Variants in SH3D19 observed in about 807,000 individuals in gnomAD.
The protein encoded by SH3D19 is SH3 domain containing 19.
SH3D19 carries 58 observed loss-of-function variants against 112.1 expected under a neutral mutation model. That is an observed-to-expected ratio of 0.52 (90% confidence interval 0.42 to 0.64). The LOEUF is 0.64. Ranked by LOEUF, SH3D19 falls within the 30% of genes least tolerant of loss-of-function variation. The pLI, the probability that SH3D19 is intolerant of heterozygous loss-of-function variation, is 0.00. For missense variants in SH3D19, 1,090 were observed against 1,263.4 expected (o/e 0.86, Z 2.08); for synonymous variants, 391 against 448.5 (o/e 0.87, Z 1.62).
In SH3D19 at chr4:151,122,047, T is replaced by C. The variant is rs1231644177; in HGVS notation, c.*44A>G. On this transcript the variant is annotated 3_prime_UTR_variant, in exon 20 of 20. Transcript: ENST00000604030. ...ACATATCTGATAGTCAAGGTGATAG[T>C]TCAAGTGAGTTCTTGTGCCAAGGAA... The C allele has an allele frequency of 5.2e-6, 5 of 960,122 alleles. No individual in the cohort carries two copies. The allele number at this position is 960,122 out of a possible 1,614,324, so 59.5% of individuals were successfully genotyped here.
intron 3 of SH3D19, among the ~76,000 whole-genome samples, chr4:151,180,805 C>T (rs1760788668): frequency 6.6e-6 from 1 of 151,554 alleles, no homozygotes; most frequent in Non-Finnish European, 1.5e-5. Context: ...GCTCTGTCGC[C>T]CAGGCTGGAG....
chr4:151,170,886 C>T (rs1758921367), intron 7 of SH3D19: 1 of 152,236 alleles, frequency 6.6e-6, no homozygotes, highest in Admixed American at 6.5e-5. Flanking sequence ...CTTTGTACCA[C>T]CTTTTCATAC....
chr4:151,213,709 G>C (rs1420318468), intron 2 of SH3D19, among the ~76,000 whole-genome samples: 1 of 120,818 alleles, frequency 8.3e-6, no homozygotes, highest in Non-Finnish European at 1.8e-5. Context: ...TATTTGACAG[G>C]GTCTTGTTCT....
chr4:151,123,907 T>C (rs915386157), intron 19 of SH3D19, among the ~76,000 whole-genome samples: 50 of 152,304 alleles, frequency 3.3e-4, no homozygotes, highest in African/African-American at 1.2e-3. Flanking sequence ...CTTTTCTTTA[T>C]GGAAAATGAA....
At chr4:151,318,151 A>G (rs1730176690) in intron 1 of SH3D19, among the ~76,000 whole-genome samples, 1 of 150,502 alleles carries the variant, frequency 6.6e-6, no homozygotes, top group Non-Finnish European at 1.5e-5. Flanking sequence ...CAAAAAAAAA[A>G]TTAGCCGGGC....
At chr4:151,163,589 T>TC (rs577010039) in intron 8 of SH3D19, among the ~76,000 whole-genome samples, 102 of 151,436 alleles carry the variant, frequency 6.7e-4, no homozygotes, top group Non-Finnish European at 1.1e-3. Context: ...TTTCTTTCTT[T>TC]TTTTTTTTTG....
chr4:151,159,495 G>A, intron 8 of SH3D19, 143 bp from the exon 9 acceptor site: 1 of 589,892 alleles, frequency 1.7e-6, no homozygotes, highest in South Asian at 2.2e-5. Context: ...AGAGCTCCCA[G>A]CAAACTTCAG....
chr4:151,305,045 A>G (rs978392448), intron 1 of SH3D19, among the ~76,000 whole-genome samples: 2 of 152,254 alleles, frequency 1.3e-5, no homozygotes, highest in African/African-American at 4.8e-5. Flanking sequence ...ATTCAGTGTC[A>G]TGCATGACAA....
chr4:151,313,507 C>G (rs570818369), intron 1 of SH3D19, among the ~76,000 whole-genome samples: 2 of 152,144 alleles, frequency 1.3e-5, no homozygotes, highest in Non-Finnish European at 2.9e-5. Flanking sequence ...GCCTCAAACA[C>G]CTGGGCTCAA....
chr4:151,318,784 G>A (rs1304166775), intron 1 of SH3D19, among the ~76,000 whole-genome samples: 4 of 152,122 alleles, frequency 2.6e-5, no homozygotes, highest in African/African-American at 9.7e-5. Flanking sequence ...GAGAGGTTAC[G>A]TAACTTGTCC....
intron 2 of SH3D19, among the ~76,000 whole-genome samples, chr4:151,196,896 C>T (rs536403766): frequency 2.6e-5 from 4 of 152,030 alleles, no homozygotes; most frequent in Non-Finnish European, 4.4e-5. Flanking sequence ...GAAAAATGCC[C>T]GACATCATTA....
chr4:151,136,306 C>A (rs796484639), intron 14 of SH3D19, among the ~76,000 whole-genome samples: 4 of 151,916 alleles, frequency 2.6e-5, no homozygotes, highest in African/African-American at 9.7e-5. Context: ...TAACACCATG[C>A]CAAGTTAATT....
intron 1 of SH3D19, among the ~76,000 whole-genome samples, chr4:151,229,342 G>T (rs1225515470): frequency 5.9e-5 from 9 of 152,152 alleles, no homozygotes; most frequent in African/African-American, 1.9e-4. Context: ...TCTAAAATTT[G>T]CCAAATGCTA....
At chr4:151,269,381 A>G (rs1022234767) in intron 1 of SH3D19, among the ~76,000 whole-genome samples, 1 of 151,844 alleles carries the variant, frequency 6.6e-6, no homozygotes, top group Non-Finnish European at 1.5e-5. Flanking sequence ...ATTTTCTCCC[A>G]TTTTGTAGGT....
chr4:151,283,695 T>C (rs4385037), intron 1 of SH3D19, among the ~76,000 whole-genome samples: 54,730 of 151,546 alleles, frequency 0.36, 10,867 homozygotes, highest in Middle Eastern at 0.45. Context: ...CATACTTTTT[T>C]CATTTTTTTG....
At chr4:151,278,205 C>G (rs1773835230) in intron 1 of SH3D19, among the ~76,000 whole-genome samples, 1 of 152,162 alleles carries the variant, frequency 6.6e-6, no homozygotes, top group South Asian at 2.1e-4. Context: ...TATTTATAAA[C>G]TAACATACTT....
intron 17 of SH3D19, 94 bp from the exon 18 acceptor site, chr4:151,128,450 A>C (rs1343904468): frequency 2.8e-5 from 28 of 1,001,164 alleles, no homozygotes; most frequent in East Asian, 5.3e-5. Flanking sequence ...AAAAAAACTA[A>C]GGGGTCTTAA....
chr4:151,143,298 A>G (rs1753347358), intron 12 of SH3D19, among the ~76,000 whole-genome samples: 2 of 151,976 alleles, frequency 1.3e-5, no homozygotes, highest in Admixed American at 6.6e-5. Flanking sequence ...TTTTGGCAGT[A>G]TAACTTCCAC....
intron 2 of SH3D19, among the ~76,000 whole-genome samples, chr4:151,198,973 C>G (rs1442080642): frequency 1.3e-5 from 2 of 150,780 alleles, no homozygotes; most frequent in African/African-American, 4.9e-5. Flanking sequence ...TCAACAATTT[C>G]TCCATGAGAC....
Sources: gnomAD v4.1 joint callset for allele counts (sites outside exome capture counted in the v4.1 genomes callset) on GRCh38, gnomAD v4.1.1 for gene constraint, MANE v1.5 for transcripts, NCBI Gene and HGNC (gene_info 2026-07-23, HGNC 2026-07-21) for gene names.